Variants in HIVEP3 observed in about 807,000 individuals in gnomAD.
The protein encoded by HIVEP3 is HIVEP zinc finger 3, also known as transcription factor HIVEP3.
A neutral mutation model predicts 152.8 loss-of-function variants in HIVEP3; 49 were observed. The ratio of observed to expected loss-of-function variants is 0.32; its 90% CI spans 0.26 to 0.41. HIVEP3 has a LOEUF of 0.41. HIVEP3 is among the 10% of genes least tolerant of loss of function. The pLI, the probability that HIVEP3 is intolerant of heterozygous loss-of-function variation, is 1.00. For missense variants in HIVEP3, 2,790 were observed against 3,103.3 expected, an observed-to-expected ratio of 0.90 and a Z score of 2.40; for synonymous variants, 1,269 against 1,289.0, an observed-to-expected ratio of 0.98 and a Z score of 0.33.
chr1:42,003,481 C>T (rs1030912660), intron 1 of HIVEP3, among the ~76,000 whole-genome samples: 1 of 152,216 alleles, frequency 6.6e-6, no homozygotes, highest in African/African-American at 2.4e-5. Flanking sequence ...CTGTCCTTTA[C>T]TCAGCAAAGA....
chr1:41,541,108 C>T (rs569325251), intron 5 of HIVEP3, among the ~76,000 whole-genome samples: 25 of 152,264 alleles, frequency 1.6e-4, no homozygotes, highest in African/African-American at 5.8e-4. Flanking sequence ...ATCAGACTGC[C>T]GAGTTCAAAT....
intron 1 of HIVEP3, among the ~76,000 whole-genome samples, chr1:41,730,021 C>A (rs1470161296): frequency 6.6e-6 from 1 of 152,200 alleles, no homozygotes; most frequent in Non-Finnish European, 1.5e-5. Flanking sequence ...GTGAGTCGGC[C>A]AAGGTCCTCC....
At chr1:41,621,955 G>A (rs1645053312) in intron 3 of HIVEP3, among the ~76,000 whole-genome samples, 1 of 152,190 alleles carries the variant, frequency 6.6e-6, no homozygotes. Context: ...ATCTCCACTT[G>A]ACATCAGTTA....
intron 1 of HIVEP3, among the ~76,000 whole-genome samples, chr1:41,981,926 C>T (rs1217452651): frequency 2.0e-5 from 3 of 152,132 alleles, no homozygotes; most frequent in Admixed American, 6.5e-5. Context: ...AGGGGTTCTG[C>T]TGCCTAGCAT....
rs1558079483 is a variant in HIVEP3 at position 41,580,255 on chromosome 1, G to A, written c.4543C>T (p.Leu1515Phe). The change falls in exon 4 of 9, where the codon CTC (leucine) becomes TTC (phenylalanine). Residue 1515 changes from leucine to phenylalanine, a missense_variant. Physicochemically the swap from Leu to Phe is conservative, Grantham distance 22. Coordinates refer to ENST00000372583, the MANE Select transcript of HIVEP3 (RefSeq NM_024503.5). ...CCATGGGACAATGCAGGGTGAGGGA[G>A]GGGAGGAATTTCCTTTGTGTCAGAT... The part of the protein sequence containing the change: ...DPSDTKEIPP[L>F]PHPALSHGTA... 1.9e-6 allele frequency: 3 copies of A among 1,613,706 alleles called. No individual in the cohort carries two copies. The highest frequency in any genetic ancestry group is 2.2e-5 in the East Asian group (1 of 44,880).
chr1:42,007,485 T>A (rs958225249), intron 1 of HIVEP3, among the ~76,000 whole-genome samples: 2 of 152,220 alleles, frequency 1.3e-5, no homozygotes, highest in African/African-American at 4.8e-5. Context: ...GTAGAGTATT[T>A]GATGGGCAAT....
intron 2 of HIVEP3, among the ~76,000 whole-genome samples, chr1:41,699,574 GAGAGTGAGTGGGAACTGGA>G (rs1244575096): frequency 6.6e-6 from 1 of 152,186 alleles, no homozygotes; most frequent in Non-Finnish European, 1.5e-5. Context: ...AGGAAAGGAG[GAGAGTGAGTGGGAACTGGA>G]AGAGCAGAAG....
intron 1 of HIVEP3, among the ~76,000 whole-genome samples, chr1:41,820,357 C>A (rs1642556773): frequency 6.6e-6 from 1 of 152,164 alleles, no homozygotes; most frequent in Non-Finnish European, 1.5e-5. Flanking sequence ...GACCATAGGT[C>A]CCTGTTTGCC....
chr1:42,024,803 G>A (rs767198662), intron 1 of HIVEP3, among the ~76,000 whole-genome samples: 5 of 152,132 alleles, frequency 3.3e-5, no homozygotes, highest in African/African-American at 4.8e-5. Context: ...TAAAGTGGTG[G>A]CAAACTCCAC....
At chr1:41,926,220 A>T (rs1299807504) in intron 1 of HIVEP3, among the ~76,000 whole-genome samples, 2 of 152,076 alleles carry the variant, frequency 1.3e-5, no homozygotes, top group Non-Finnish European at 2.9e-5. Flanking sequence ...TACAACTATC[A>T]TTTTCAACTC....
chr1:41,747,559 C>A (rs544692677), intron 1 of HIVEP3, among the ~76,000 whole-genome samples: 8 of 152,322 alleles, frequency 5.3e-5, no homozygotes, highest in Non-Finnish European at 1.0e-4. Flanking sequence ...CTAGAGATCA[C>A]CACCATTCAC....
upstream of HIVEP3, among the ~76,000 whole-genome samples, chr1:41,921,798 C>G (rs1052293618): frequency 3.3e-5 from 5 of 152,080 alleles, no homozygotes; most frequent in Admixed American, 3.3e-4. Flanking sequence ...GAAATAGGTC[C>G]ACAGCTTCTT....
At chr1:41,542,934 T>G (rs1012342916) in intron 5 of HIVEP3, 1 of 152,174 alleles carries the variant, frequency 6.6e-6, no homozygotes, top group Non-Finnish European at 1.5e-5. Flanking sequence ...ACCTAACTGT[T>G]AGGTTTCTAT....
At chr1:41,868,691 AG>A (rs1644026829) in intron 1 of HIVEP3, among the ~76,000 whole-genome samples, 3 of 152,210 alleles carry the variant, frequency 2.0e-5, no homozygotes, top group Admixed American at 1.3e-4. Flanking sequence ...GAGCACAGCA[AG>A]GAAAGAGAAA....
intron 1 of HIVEP3, among the ~76,000 whole-genome samples, chr1:41,745,450 A>C (rs1464704536): frequency 6.6e-6 from 1 of 152,268 alleles, no homozygotes; most frequent in African/African-American, 2.4e-5. Context: ...CCCATGTGGT[A>C]AAATATACAT....
At chr1:41,525,771 G>A (rs1465364469) in intron 5 of HIVEP3, among the ~76,000 whole-genome samples, 1 of 152,190 alleles carries the variant, frequency 6.6e-6, no homozygotes, top group African/African-American at 2.4e-5. Flanking sequence ...AGTCCCACAT[G>A]CGCAACAGGA....
At chr1:41,520,998 G>T (rs2781252) in intron 6 of HIVEP3, among the ~76,000 whole-genome samples, 151,265 of 152,310 alleles carry the variant, frequency 0.99, 75,125 homozygotes, top group East Asian at 1. Context: ...CTCAAGACTC[G>T]GGGGGCCTTT....
intron 5 of HIVEP3, among the ~76,000 whole-genome samples, chr1:41,536,679 C>A (rs1643409042): frequency 6.6e-6 from 1 of 151,998 alleles, no homozygotes; most frequent in Non-Finnish European, 1.5e-5. Flanking sequence ...CCAGTTTTTT[C>A]AATGAAACCA....
chr1:41,614,195 T>G (rs1313185115), intron 3 of HIVEP3, among the ~76,000 whole-genome samples: 2 of 152,222 alleles, frequency 1.3e-5, no homozygotes, highest in African/African-American at 2.4e-5. Context: ...CAGAAACAGA[T>G]AGCACATGGG....
Sources: allele counts gnomAD v4.1 joint callset (sites outside exome capture counted in the v4.1 genomes callset), GRCh38; gene constraint gnomAD v4.1.1; transcripts MANE v1.5; gene names NCBI Gene and HGNC (gene_info 2026-07-23, HGNC 2026-07-21).